TMEM67: variants seen among roughly 807,000 people sequenced by gnomAD.
TMEM67 encodes the protein transmembrane protein 67, also known as meckelin.
TMEM67 carries 124 observed loss-of-function variants against 136.6 expected under a neutral mutation model. The observed-to-expected ratio is 0.91, with a 90% CI of 0.78 to 1.05. The LOEUF (loss-of-function observed/expected upper bound fraction) is 1.05. Ranked by LOEUF, TMEM67 falls within the 50% of genes least tolerant of loss-of-function variation. The pLI is 0.00. For synonymous variants in TMEM67, 364 were observed against 390.5 expected (o/e 0.93, Z 0.80); for missense variants, 1,107 against 1,178.4 (o/e 0.94, Z 0.89).
At chr8:93,805,154 T>G (rs1815082416) in intron 23 of TMEM67, among the ~76,000 whole-genome samples, 2 of 152,234 alleles carry the variant, frequency 1.3e-5, no homozygotes, top group Non-Finnish European at 1.5e-5. Flanking sequence ...GTATTTTTAG[T>G]AGAGACGAGG....
Position 93,776,960 on chromosome 8 carries a change from G to A in TMEM67, c.715-3633G>A, listed in dbSNP as rs192819238. Among the ~76,000 whole-genome samples the A allele has an allele frequency of 2.7e-3, 415 of 152,240 alleles. 5 individuals are homozygous for A. Among genetic ancestry groups the A allele is most frequent in the African/African-American group, 9.4e-3 (392 of 41,544 alleles). ...TCCTCTTATACCTCTGGTAGAATTCGGCTGTGAATCCATCTGGTCCTGGAC... is the reference window on the plus strand; with the variant it reads ...TCCTCTTATACCTCTGGTAGAATTCAGCTGTGAATCCATCTGGTCCTGGAC... On this transcript the variant is annotated intron_variant, in intron 7 of 27. Coordinates refer to ENST00000453321, the MANE Select transcript of TMEM67 (RefSeq NM_153704.6).
At chr8:93,803,104 A>G (rs1814938569) in intron 21 of TMEM67, among the ~76,000 whole-genome samples, 1 of 152,316 alleles carries the variant, frequency 6.6e-6, no homozygotes, top group Non-Finnish European at 1.5e-5. Flanking sequence ...TGTTTCTAGT[A>G]TTAAATCTAA....
downstream of TMEM67, chr8:93,819,103 A>C (rs970359482): frequency 4.4e-6 from 2 of 453,384 alleles, no homozygotes; most frequent in Non-Finnish European, 8.8e-6. Flanking sequence ...ACACATGGCC[A>C]GGATTAGTTT....
chr8:93,795,344 G>A (rs1000736180), intron 16 of TMEM67, 65 bp from the exon 17 acceptor site: 3 of 1,228,506 alleles, frequency 2.4e-6, no homozygotes, highest in Admixed American at 1.7e-5. Context: ...AAAAGTGGTA[G>A]TGTTACTAAA....
Position 93,816,694 on chromosome 8 carries a change from G to A in TMEM67, c.*242G>A, listed in dbSNP as rs1194119434. On this transcript the variant is annotated 3_prime_UTR_variant, in exon 28 of 28. Transcript: ENST00000453321. ...ATAATAAATTAATACTGACAGTGAG[G>A]CCAAAAAAAATCTAAATGTTGCTTT... 2.9e-5 allele frequency: 8 copies of A among 276,216 alleles called. No individual in the cohort carries two copies. The highest frequency in any genetic ancestry group is 4.4e-5 in the African/African-American group (2 of 45,684). 17.1% of individuals were successfully genotyped at this position (276,216 alleles called of 1,614,324 possible).
At chr8:93,777,438 G>GGT (rs753144904) in intron 7 of TMEM67, among the ~76,000 whole-genome samples, 53 of 151,990 alleles carry the variant, frequency 3.5e-4, no homozygotes, top group Non-Finnish European at 6.0e-4. Flanking sequence ...TTTTAACTGT[G>GGT]GTGTTAACAG....
At chr8:93,813,482 C>T (rs983880316) in intron 26 of TMEM67, among the ~76,000 whole-genome samples, 10 of 152,156 alleles carry the variant, frequency 6.6e-5, no homozygotes, top group Non-Finnish European at 1.5e-4. Context: ...CCCGATCTCA[C>T]TACCTTCGTC....
At chr8:93,774,808 C>T (rs976470761) in intron 7 of TMEM67, among the ~76,000 whole-genome samples, 2 of 152,000 alleles carry the variant, frequency 1.3e-5, no homozygotes, top group Non-Finnish European at 2.9e-5. Context: ...TGAATAGTGC[C>T]GCAATAAACA....
Position 93,795,802 on chromosome 8 carries a change from C to T in TMEM67, c.1774-99C>T, listed in dbSNP as rs182928992. 5 of 933,316 alleles carry T rather than the reference C, an allele frequency of 5.4e-6. No individual in the cohort carries two copies. The East Asian group carries it at 1.3e-4, about 23-fold the overall frequency. The allele number at this position is 933,316 out of a possible 1,614,324, so 57.8% of individuals were successfully genotyped here. A position where few individuals can be genotyped will look rare whatever the true frequency, so the allele number is the denominator to read the frequency against. On this transcript the variant is annotated intron_variant, in intron 17 of 27. Coordinates refer to ENST00000453321, the MANE Select transcript of TMEM67 (RefSeq NM_153704.6). ...CCTGCCCGGGCAGCATACTGAGACCCTCCTTTCCCAAAAAAAAACAAAAAC... is the reference window on the plus strand; with the variant it reads ...CCTGCCCGGGCAGCATACTGAGACCTTCCTTTCCCAAAAAAAAACAAAAAC...
intron 6 of TMEM67, among the ~76,000 whole-genome samples, chr8:93,768,593 G>T (rs1381529933): frequency 2.0e-5 from 3 of 152,004 alleles, no homozygotes; most frequent in African/African-American, 7.2e-5. Flanking sequence ...CTGGGCAACA[G>T]AACAAGACTC....
chr8:93,795,931 A>G lies in TMEM67; in HGVS notation c.1804A>G (p.Met602Val), dbSNP rs771732084. 1.9e-6 allele frequency: 3 copies of G among 1,612,938 alleles called. No homozygotes were observed. The highest frequency in any genetic ancestry group is 2.5e-6 in the Non-Finnish European group (3 of 1,178,992). The change falls in exon 18 of 28, where the codon ATG becomes GTG. Residue 602 changes from methionine (M) to valine (V), a missense_variant. By Grantham distance (21) the Met-to-Val change is conservative (BLOSUM62 1). This residue lies in a region of TMEM67 where 925 missense variants were observed against 1,002.4 expected (regional missense o/e 0.92). Coordinates refer to ENST00000453321, the MANE Select transcript of TMEM67 (RefSeq NM_153704.6). ...GAAGTCTGTGTCTGTTTTGCTGCCA[A>G]TGCCAATTCAGGAAGAACGTTTTGT... ...AQKSVSVLLP[M>V]PIQEERFVTY... is the part of the protein sequence containing the mutation.
At chr8:93,821,607 A>T (rs1053596113), downstream of TMEM67, among the ~76,000 whole-genome samples, 4 of 151,976 alleles carry the variant, frequency 2.6e-5, no homozygotes, top group Non-Finnish European at 5.9e-5. Flanking sequence ...ATTTCTTAAG[A>T]CCCCAAAAAG....
downstream of TMEM67, among the ~76,000 whole-genome samples, chr8:93,822,292 A>G (rs1809052411): frequency 6.6e-6 from 1 of 152,262 alleles, no homozygotes; most frequent in African/African-American, 2.4e-5. Flanking sequence ...GTGTGATACC[A>G]CTACAAAACC....
chr8:93,799,310 T>G (rs949467754), intron 20 of TMEM67, among the ~76,000 whole-genome samples: 1 of 152,218 alleles, frequency 6.6e-6, no homozygotes, highest in Non-Finnish European at 1.5e-5. Context: ...TCATTGGTAG[T>G]TTACTGATGA....
intron 9 of TMEM67, 114 bp downstream of exon 9, chr8:93,781,096 A>T: frequency 1.4e-6 from 1 of 728,450 alleles, no homozygotes; most frequent in Non-Finnish European, 2.4e-6. Flanking sequence ...CAGTTACTAA[A>T]CTAAATATAA....
At chr8:93,772,481 C>A (rs916201827) in intron 6 of TMEM67, 108 bp from the exon 7 acceptor site, 5 of 805,686 alleles carry the variant, frequency 6.2e-6, no homozygotes, top group Non-Finnish European at 1.1e-5. Flanking sequence ...CTATTAGTAA[C>A]TGTTTTTCTA....
chr8:93,771,772 C>T (rs1268540273), intron 6 of TMEM67, among the ~76,000 whole-genome samples: 1 of 151,566 alleles, frequency 6.6e-6, no homozygotes, highest in African/African-American at 2.4e-5. Context: ...CATTTTTTAC[C>T]AGTTTGTGTG....
At chr8:93,794,985 AT>A (rs1167602071) in intron 16 of TMEM67, 1 of 194,594 alleles carries the variant, frequency 5.1e-6, no homozygotes, top group Non-Finnish European at 1.1e-5. Context: ...TTTGGCCCAT[AT>A]TGTGAAAGAC....
chr8:93,812,831 G>A (rs1469041316), intron 26 of TMEM67, among the ~76,000 whole-genome samples: 1 of 152,238 alleles, frequency 6.6e-6, no homozygotes. Context: ...CTGCCTCCCA[G>A]GTTCAAGCGA....
Sources: gnomAD v4.1 joint callset for allele counts (sites outside exome capture counted in the v4.1 genomes callset) on GRCh38, gnomAD v4.1.1 for gene constraint, gnomAD v4.1.1 regional missense constraint, MANE v1.5 for transcripts, NCBI Gene and HGNC (gene_info 2026-07-23, HGNC 2026-07-21) for gene names.